Variants in TXNRD2 observed in about 807,000 individuals in gnomAD.
TXNRD2 encodes thioredoxin reductase 2, mitochondrial.
In TXNRD2, 67 loss-of-function variants were observed where a neutral mutation model predicts 70.8. That is an observed-to-expected ratio of 0.95 (90% CI 0.78 to 1.16). The LOEUF is 1.16. Ranked by LOEUF, TXNRD2 falls within the 50% of genes most tolerant of loss-of-function variation. TXNRD2 has a pLI of 0.00. For synonymous variants in TXNRD2, 301 were observed against 295.8 expected, an observed-to-expected ratio of 1.02 and a Z score of -0.18; for missense variants, 644 against 719.9, an observed-to-expected ratio of 0.89 and a Z score of 1.21.
At chr22:19,917,733 A>G (rs1940701332) in intron 5 of TXNRD2, among the ~76,000 whole-genome samples, 1 of 152,112 alleles carries the variant, frequency 6.6e-6, no homozygotes, top group African/African-American at 2.4e-5. Context: ...ACACCCAAGG[A>G]GCTGGAGGTG....
At chr22:19,887,069 GA>G (rs1939065378) in intron 11 of TXNRD2, among the ~76,000 whole-genome samples, 1 of 152,244 alleles carries the variant, frequency 6.6e-6, no homozygotes, top group Non-Finnish European at 1.5e-5. Flanking sequence ...TGACTAGTAA[GA>G]TGAAGTAATT....
At position 19,885,526 on chromosome 22, in the gene TXNRD2, G is replaced by A. The variant is rs79685270; in HGVS notation, c.950-2065C>T. On this transcript the variant is annotated intron_variant, in intron 11 of 17. Transcript: ENST00000400521. ...GGTGCCGGGAGGGCTGGCACCGGTCGGGGATCAGCCCAGACACAGGGGATG... is the reference window on the plus strand; with the variant it reads ...GGTGCCGGGAGGGCTGGCACCGGTCAGGGATCAGCCCAGACACAGGGGATG... Among the ~76,000 whole-genome samples, 754 of 152,318 alleles carry A rather than the reference G, an allele frequency of 5.0e-3. 19 individuals are homozygous for A. The South Asian group carries it at 0.067, about 13-fold the overall frequency.
At chr22:19,931,152 C>A (rs1941345421) in intron 1 of TXNRD2, 54 bp from the exon 2 acceptor site, 5 of 1,548,928 alleles carry the variant, frequency 3.2e-6, no homozygotes, top group Non-Finnish European at 4.4e-6. Flanking sequence ...AAACGTGGTA[C>A]AGGATCAATT....
At chr22:19,940,244 C>CAAAAAA (rs141013808) in intron 1 of TXNRD2, among the ~76,000 whole-genome samples, 1,133 of 68,260 alleles carry the variant, frequency 0.017, 63 homozygotes, top group African/African-American at 0.057. Flanking sequence ...GACACTGTCT[C>CAAAAAA]AAAAAAAAAA....
intron 11 of TXNRD2, 23 bp downstream of exon 11, chr22:19,895,384 C>G (rs748984448): frequency 6.2e-7 from 1 of 1,613,620 alleles, no homozygotes; most frequent in Non-Finnish European, 8.5e-7. Flanking sequence ...AGAGACAGAG[C>G]GTGTGGCTCG....
At chr22:19,885,769 C>T (rs1440763666) in intron 11 of TXNRD2, among the ~76,000 whole-genome samples, 1 of 152,248 alleles carries the variant, frequency 6.6e-6, no homozygotes, top group Non-Finnish European at 1.5e-5. Context: ...GCTTGCCTGG[C>T]TGGTCCTGGG....
chr22:19,910,539 G>A (rs895351914), intron 8 of TXNRD2, among the ~76,000 whole-genome samples: 3 of 152,158 alleles, frequency 2.0e-5, no homozygotes, highest in African/African-American at 7.2e-5. Context: ...TGGCAGTCCT[G>A]TTATTGTTAT....
At chr22:19,883,301 C>G (rs1472066462) in intron 12 of TXNRD2, 24 bp downstream of exon 12, 9 of 1,609,882 alleles carry the variant, frequency 5.6e-6, no homozygotes, top group African/African-American at 1.3e-5. Context: ...GGCAGGGGCC[C>G]TGGTCCCGGG....
rs759650391 is a variant in TXNRD2 at position 19,877,215 on chromosome 22, G to A, written c.1465C>T (p.Gln489Ter). 3.7e-6 allele frequency: 6 copies of A among 1,611,028 alleles called. No homozygotes were observed. Among genetic ancestry groups the A allele is most frequent in the Non-Finnish European group, 4.2e-6 (5 of 1,178,454 alleles). The change falls in exon 17 of 18, where the codon CAG becomes TAG. Residue 489 changes from glutamine to a stop codon, truncating the protein, a stop_gained. Transcript: ENST00000400521. LOFTEE classifies it high-confidence loss of function. ...LGIKCGASYA[Q>*]VMRTVGIHPT... is the part of the protein sequence containing the mutation. Reference sequence around the variant, plus strand: ...TGGATACCCACGGTCCGCATCACCTGCGCATAGGAAGCCCCACACCTGCAC... The same window carrying A: ...TGGATACCCACGGTCCGCATCACCTACGCATAGGAAGCCCCACACCTGCAC...
chr22:19,928,990 AGC>A (rs1941255697), intron 2 of TXNRD2, among the ~76,000 whole-genome samples: 1 of 144,596 alleles, frequency 6.9e-6, no homozygotes. Flanking sequence ...TGGGTGACAA[AGC>A]AAGACTCGCT....
rs79019435 is a variant in TXNRD2, at chr22:19,940,936, G to T, written c.103+765C>A. On this transcript the variant is annotated intron_variant, in intron 1 of 17. Coordinates refer to ENST00000400521, the MANE Select transcript of TXNRD2 (RefSeq NM_006440.5). Reference sequence around the variant, plus strand: ...CGAGTCCACCGCGGGCAGAGGGCCAGCCACCATGCCTCCCATAGCCGCCAT... The same window carrying T: ...CGAGTCCACCGCGGGCAGAGGGCCATCCACCATGCCTCCCATAGCCGCCAT... 3.9e-3 allele frequency among the ~76,000 whole-genome samples: 591 copies of T among 152,280 alleles called. 1 individual carries two copies. The highest frequency in any genetic ancestry group is 6.9e-3 in the Admixed American group (106 of 15,306).
chr22:19,912,798 T>G (rs1346192755), intron 7 of TXNRD2, among the ~76,000 whole-genome samples: 1 of 152,186 alleles, frequency 6.6e-6, no homozygotes, highest in Non-Finnish European at 1.5e-5. Context: ...CTCTAAGGAC[T>G]GGGGGTGCTT....
At position 19,918,366 on chromosome 22, in the gene TXNRD2, C is replaced by T. The variant is rs183947813; in HGVS notation, c.375-149G>A. ...AGGTGGCAAAACGTGACATCCATCC[C>T]TACGTGCAACCGCCTGTCCCAGGCT... is the stretch of plus-strand genomic sequence containing the variant. On this transcript the variant is annotated intron_variant, in intron 4 of 17. Coordinates refer to ENST00000400521, the MANE Select transcript of TXNRD2 (RefSeq NM_006440.5). 2.6e-4 allele frequency: 188 copies of T among 727,790 alleles called. 1 individual carries two copies. The African/African-American group carries it at 2.9e-3, about 11-fold the overall frequency. The allele number at this position is 727,790 out of a possible 1,614,324, so 45.1% of individuals were successfully genotyped here. A position where few individuals can be genotyped will look rare whatever the true frequency, so the allele number is the denominator to read the frequency against.
At chr22:19,915,881 G>T (rs370131802) in intron 5 of TXNRD2, 38 bp from the exon 6 acceptor site, 1 of 1,581,536 alleles carries the variant, frequency 6.3e-7, no homozygotes, top group Non-Finnish European at 8.7e-7. Context: ...CACTTCCTCT[G>T]CAAATTAAAC....
intron 13 of TXNRD2, 40 bp from the exon 14 acceptor site, chr22:19,880,311 C>CCCGGCCAT: frequency 6.3e-7 from 1 of 1,597,920 alleles, no homozygotes; most frequent in Non-Finnish European, 8.6e-7. Context: ...CCTTGGGCCC[C>CCCGGCCAT]GAAAACCGAA....
In TXNRD2 at chr22:19,915,907, A is replaced by G; in HGVS notation, c.450-64T>C. On this transcript the variant is annotated intron_variant, in intron 5 of 17. Coordinates refer to ENST00000400521, the MANE Select transcript of TXNRD2 (RefSeq NM_006440.5). ...CAAATTAAACCTCACCAACTGGATC[A>G]ATAGGGAACACTGGTAAAAGGGAGC... 2.8e-6 allele frequency: 4 copies of G among 1,444,398 alleles called. No individual in the cohort carries two copies. The South Asian group carries it at 3.5e-5, about 13-fold the overall frequency. 89.5% of individuals were successfully genotyped at this position (1,444,398 alleles called of 1,614,324 possible). A position where few individuals can be genotyped will look rare whatever the true frequency, so the allele number is the denominator to read the frequency against.
intron 2 of TXNRD2, among the ~76,000 whole-genome samples, chr22:19,925,616 G>C (rs1941110208): frequency 6.6e-6 from 1 of 151,854 alleles, no homozygotes; most frequent in South Asian, 2.1e-4. Flanking sequence ...AGGAGGGGTG[G>C]AATAGATGTA....
chr22:19,936,971 T>G (rs1941558681), intron 1 of TXNRD2, among the ~76,000 whole-genome samples: 2 of 152,214 alleles, frequency 1.3e-5, no homozygotes, highest in South Asian at 2.1e-4. Flanking sequence ...CGCCGCTCAA[T>G]CTTACCTTTT....
At chr22:19,893,091 T>TCCCATTC (rs1368301718) in intron 11 of TXNRD2, among the ~76,000 whole-genome samples, 7 of 152,098 alleles carry the variant, frequency 4.6e-5, no homozygotes, top group African/African-American at 1.2e-4. Context: ...CTTTCTGATT[T>TCCCATTC]CCCATTCCGA....
Sources: allele counts gnomAD v4.1 joint callset (sites outside exome capture counted in the v4.1 genomes callset), GRCh38; gene constraint gnomAD v4.1.1; transcripts MANE v1.5; gene names NCBI Gene and HGNC (gene_info 2026-07-23, HGNC 2026-07-21).